The following INPP5B variants were observed in gnomAD, a reference collection of about 807,000 sequenced individuals.
The protein encoded by INPP5B is inositol polyphosphate-5-phosphatase B.
INPP5B carries 90 observed loss-of-function variants against 118.5 expected under a neutral mutation model. The observed-to-expected ratio is 0.76, with a 90% CI of 0.64 to 0.90. The LOEUF is 0.90. Ranked by LOEUF, INPP5B falls within the 40% of genes least tolerant of loss-of-function variation. INPP5B has a pLI of 0.00. For missense variants in INPP5B, 984 were observed against 1,125.6 expected (o/e 0.87, Z 1.80); for synonymous variants, 385 against 418.9 (o/e 0.92, Z 0.99).
At chr1:37,866,406 T>TCTCTCTCTCACACACACACACACACA in intron 21 of INPP5B, 53 bp downstream of exon 21, 1 of 402,458 alleles carries the variant, frequency 2.5e-6, no homozygotes, top group Non-Finnish European at 4.2e-6. Flanking sequence ...TCTCTCTCTC[T>TCTCTCTCTCACACACACACACACACA]CACACACACA....
In INPP5B at chr1:37,882,915, C is replaced by G; in HGVS notation, c.1323G>C (p.Val441=). ...AGTTGAGGTCCCCCAGCCACAAGAT[C>G]ACACTGTGAGGACAGAGCACAAAGG... is the stretch of plus-strand genomic sequence containing the variant. The part of the protein sequence containing the change: ...LPPLTISNHD[V]ILWLGDLNYR... The change falls in exon 14 of 24, where the codon GTG becomes GTC. Residue 441 remains valine, a synonymous_variant. Coordinates refer to ENST00000373024, the MANE Select transcript of INPP5B (RefSeq NM_005540.3). 6.2e-7 allele frequency: 1 copy of G among 1,614,094 alleles called. No individual in the cohort carries two copies. The highest frequency in any genetic ancestry group is 1.3e-5 in the African/African-American group (1 of 75,020).
At position 37,923,063 on chromosome 1, in the gene INPP5B, A is replaced by G. The variant is rs137860770; in HGVS notation, c.532+8850T>C. Among the ~76,000 whole-genome samples the G allele has an allele frequency of 1.2e-3, 181 of 152,336 alleles. 2 individuals carry two copies. The highest frequency in any genetic ancestry group is 6.5e-4 in the Non-Finnish European group (44 of 68,026). On this transcript the variant is annotated intron_variant, in intron 7 of 23. Coordinates refer to ENST00000373024, the MANE Select transcript of INPP5B (RefSeq NM_005540.3). Reference sequence around the variant, plus strand: ...GGAGGGCAACACAGAGATGCAGAGCATGCTCAAAGAGGAAGGGGGCAGGAG... The same window carrying G: ...GGAGGGCAACACAGAGATGCAGAGCGTGCTCAAAGAGGAAGGGGGCAGGAG...
At chr1:37,930,386 C>T (rs1195401270) in intron 7 of INPP5B, 1 of 152,248 alleles carries the variant, frequency 6.6e-6, no homozygotes, top group African/African-American at 2.4e-5. Context: ...CCTGACTTGT[C>T]ATAGAAGACT....
intron 16 of INPP5B, among the ~76,000 whole-genome samples, chr1:37,876,343 C>T (rs1642804054): frequency 6.6e-6 from 1 of 151,280 alleles, no homozygotes; most frequent in Admixed American, 6.6e-5. Context: ...TGAGCTCAAG[C>T]AATCCACCCA....
In INPP5B at chr1:37,872,938, T is replaced by C; in HGVS notation, c.2179A>G (p.Ser727Gly). ...PILDLPLETI[S>G]ELTLMPVWTG... The stretch of plus-strand genomic sequence containing the variant: ...TGTGGCATATTACTCACCAGCTCAC[T>C]AATGGTTTCAAGTGGTAGGTCCAAG... The change falls in exon 19 of 24, where the codon AGT (serine) becomes GGT (glycine). Residue 727 changes from serine (S) to glycine (G), a missense_variant. Transcript: ENST00000373024. 6.2e-7 allele frequency: 1 copy of C among 1,612,918 alleles called. No individual in the cohort carries two copies. The highest frequency in any genetic ancestry group is 8.5e-7 in the Non-Finnish European group (1 of 1,178,940).
intron 9 of INPP5B, among the ~76,000 whole-genome samples, chr1:37,889,141 G>A (rs1287827984): frequency 6.6e-6 from 1 of 152,168 alleles, no homozygotes; most frequent in African/African-American, 2.4e-5. Context: ...AGCAGCTGAG[G>A]TGGGAGGGTT....
intron 18 of INPP5B, 75 bp from the exon 19 acceptor site, chr1:37,873,240 A>G: frequency 9.8e-7 from 1 of 1,018,288 alleles, no homozygotes; most frequent in Non-Finnish European, 1.5e-6. Context: ...AGGAGGGAAG[A>G]GGGTAAGGCA....
chr1:37,927,407 G>A (rs1304513008), intron 7 of INPP5B, among the ~76,000 whole-genome samples: 7 of 152,144 alleles, frequency 4.6e-5, no homozygotes, highest in African/African-American at 7.2e-5. Context: ...AGAGAATCAC[G>A]TGAACAAGCT....
intron 7 of INPP5B, among the ~76,000 whole-genome samples, chr1:37,909,303 C>T (rs1450520984): frequency 6.6e-6 from 1 of 152,126 alleles, no homozygotes; most frequent in Non-Finnish European, 1.5e-5. Flanking sequence ...CCCATCTGAC[C>T]TCTACCCTCC....
intron 19 of INPP5B, among the ~76,000 whole-genome samples, chr1:37,872,670 C>T (rs886787976): frequency 6.6e-6 from 1 of 150,932 alleles, no homozygotes; most frequent in African/African-American, 2.4e-5. Context: ...CTGATTATAA[C>T]CACACAAATG....
At chr1:37,872,862 G>T in intron 19 of INPP5B, 68 bp downstream of exon 19, 2 of 1,192,454 alleles carry the variant, frequency 1.7e-6, no homozygotes, top group South Asian at 1.3e-5. Flanking sequence ...GGTAGGCATA[G>T]GAATATCTTG....
rs748215811 is a variant in INPP5B at position 37,943,782 on chromosome 1, G to GC, written c.250+13dup. The GC allele has an allele frequency of 6.2e-7, 1 of 1,612,518 alleles. No individual in the cohort carries two copies. Among genetic ancestry groups the GC allele is most frequent in the South Asian group, 1.1e-5 (1 of 91,040 alleles). ...CATAGGAGAGGATTCATACCACCCA[G>GC]CCCCCTGTGGCACCTTCTTCCAGCG... On this transcript the variant is annotated intron_variant, in intron 4 of 23. Transcript: ENST00000373024.
At chr1:37,890,398 G>C (rs1643776339) in intron 8 of INPP5B, among the ~76,000 whole-genome samples, 1 of 151,500 alleles carries the variant, frequency 6.6e-6, no homozygotes, top group Non-Finnish European at 1.5e-5. Flanking sequence ...CCTTTAACTT[G>C]ATCATTCTAT....
chr1:37,897,759 ATAAAAT>A (rs1644176962), intron 7 of INPP5B, among the ~76,000 whole-genome samples: 1 of 151,528 alleles, frequency 6.6e-6, no homozygotes, highest in African/African-American at 2.4e-5. Context: ...TAATAATAAA[ATAAAAT>A]TAAATAAAAA....
intron 5 of INPP5B, among the ~76,000 whole-genome samples, chr1:37,943,115 C>T (rs536788002): frequency 6.6e-6 from 1 of 152,084 alleles, no homozygotes; most frequent in South Asian, 2.1e-4. Flanking sequence ...ATTCTCCTGC[C>T]TCAGCCTCTC....
In INPP5B at chr1:37,875,685, T is replaced by A; in HGVS notation, c.1709A>T (p.Lys570Met). 1 of 1,614,154 alleles carries A rather than the reference T, an allele frequency of 6.2e-7. No individual in the cohort carries two copies. Among genetic ancestry groups the A allele is most frequent in the South Asian group, 1.1e-5 (1 of 91,084 alleles). The change falls in exon 17 of 24, where the codon AAG (lysine) becomes ATG (methionine). Residue 570 changes from lysine (K) to methionine (M), a missense_variant. Transcript: ENST00000373024. ...VRVVNDELYRKTLEEIVRSLD... is the reference protein window; with the variant it reads ...VRVVNDELYRMTLEEIVRSLD... The stretch of plus-strand genomic sequence containing the variant: ...GGAGCGAACAATTTCCTCCAGTGTC[T>A]TCCGGTAAAGCTCGTCATTTACGAC...
chr1:37,893,561 T>C (rs895028317), intron 7 of INPP5B, among the ~76,000 whole-genome samples: 1 of 152,190 alleles, frequency 6.6e-6, no homozygotes, highest in Admixed American at 6.5e-5. Context: ...ACATCTCCCC[T>C]GAATGACTAT....
chr1:37,929,867 G>C (rs61776694), intron 7 of INPP5B: 13,895 of 152,060 alleles, frequency 0.091, 794 homozygotes, highest in Middle Eastern at 0.23. Flanking sequence ...CAGAGTACAT[G>C]GGATTACAGG....
chr1:37,882,519 C>T (rs1379734571), intron 14 of INPP5B, among the ~76,000 whole-genome samples: 1 of 152,144 alleles, frequency 6.6e-6, no homozygotes, highest in Non-Finnish European at 1.5e-5. Context: ...AAGCTTGGTA[C>T]TCTTTTAGCC....
Sources: allele counts gnomAD v4.1 joint callset (sites outside exome capture counted in the v4.1 genomes callset), GRCh38; gene constraint gnomAD v4.1.1; transcripts MANE v1.5; gene names NCBI Gene and HGNC (gene_info 2026-07-23, HGNC 2026-07-21).